MAFK: variants seen among roughly 807,000 people sequenced by gnomAD.
The protein encoded by MAFK is transcription factor MafK.
In MAFK, 1 loss-of-function variant was observed where a neutral mutation model predicts 9.2. The observed-to-expected ratio is 0.11, with a 90% CI of 0.04 to 0.52. MAFK has a LOEUF of 0.52. MAFK is among the 20% of genes least tolerant of loss of function. MAFK has a pLI of 0.94. For synonymous variants in MAFK, 110 were observed against 107.4 expected, an observed-to-expected ratio of 1.02 and a Z score of -0.15; for missense variants, 207 against 236.0, an observed-to-expected ratio of 0.88 and a Z score of 0.81.
chr7:1,539,960 A>G lies in MAFK; in HGVS notation c.56A>G (p.Glu19Gly), dbSNP rs899376699. 6.5e-7 allele frequency: 1 copy of G among 1,538,684 alleles called. No individual in the cohort carries two copies. Among genetic ancestry groups the G allele is most frequent in the Non-Finnish European group, 8.8e-7 (1 of 1,138,506 alleles). Reference protein sequence around the residue: ...KALKVKKEAGENAPVLSDDEL... With the variant: ...KALKVKKEAGGNAPVLSDDEL... Reference sequence around the variant, plus strand: ...CCCCAGGTCAAGAAGGAGGCGGGCGAGAACGCCCCGGTGCTCAGCGATGAT... The same window carrying G: ...CCCCAGGTCAAGAAGGAGGCGGGCGGGAACGCCCCGGTGCTCAGCGATGAT... Residue 19 changes from glutamate (E) to glycine (G), a missense_variant, in exon 3 of 3, where the codon GAG (glutamate) becomes GGG (glycine). Physicochemically the swap from Glu to Gly is moderately conservative, Grantham distance 98. Coordinates refer to ENST00000343242, the MANE Select transcript of MAFK (RefSeq NM_002360.4).
rs140625912 is a variant in MAFK at position 1,533,095 on chromosome 7, C to T, written c.-45+2197C>T. 3.0e-3 allele frequency among the ~76,000 whole-genome samples: 453 copies of T among 152,296 alleles called. 1 individual carries two copies. The highest frequency in any genetic ancestry group is 0.01 in the African/African-American group (435 of 41,568). Reference sequence around the variant, plus strand: ...CATAGAGTTTTAGAGCAGGTACAAGCGAACTTGAGTGGCCACATGCCCCAC... The same window carrying T: ...CATAGAGTTTTAGAGCAGGTACAAGTGAACTTGAGTGGCCACATGCCCCAC... On this transcript the variant is annotated intron_variant, in intron 1 of 2. Coordinates refer to ENST00000343242, the MANE Select transcript of MAFK (RefSeq NM_002360.4).
At chr7:1,533,791 G>A (rs1308964474) in intron 1 of MAFK, among the ~76,000 whole-genome samples, 2 of 152,096 alleles carry the variant, frequency 1.3e-5, no homozygotes, top group Non-Finnish European at 2.9e-5. Context: ...ATGCGGTTGG[G>A]GGCTGGGGGG....
chr7:1,533,138 T>C (rs570641016), intron 1 of MAFK, among the ~76,000 whole-genome samples: 2 of 152,324 alleles, frequency 1.3e-5, no homozygotes, highest in South Asian at 2.1e-4. Flanking sequence ...CCAGCTGCTG[T>C]AGATGAGGAA....
intron 1 of MAFK, among the ~76,000 whole-genome samples, chr7:1,536,435 T>C (rs1225081568): frequency 6.6e-6 from 1 of 152,174 alleles, no homozygotes; most frequent in East Asian, 1.9e-4. Flanking sequence ...CCCGGGGTAG[T>C]GCACGGGCGT....
rs1460509492 is a variant in MAFK, at chr7:1,540,398, G to A, written c.*23G>A. 2 of 1,272,566 alleles carry A rather than the reference G, an allele frequency of 1.6e-6. No individual in the cohort carries two copies. The highest frequency in any genetic ancestry group is 1.7e-5 in the African/African-American group (1 of 59,536). 78.8% of individuals were successfully genotyped at this position (1,272,566 alleles called of 1,614,324 possible). On this transcript the variant is annotated 3_prime_UTR_variant, in exon 3 of 3. Coordinates refer to ENST00000343242, the MANE Select transcript of MAFK (RefSeq NM_002360.4). Reference sequence around the variant, plus strand: ...TAGTGCCGGCCGGGGGCGGGGGGTGGCGGGCGGCGGGCGGCGGGCAGGCGG... The same window carrying A: ...TAGTGCCGGCCGGGGGCGGGGGGTGACGGGCGGCGGGCGGCGGGCAGGCGG...
chr7:1,536,873 G>A (rs1784042955), intron 1 of MAFK, among the ~76,000 whole-genome samples: 2 of 152,344 alleles, frequency 1.3e-5, no homozygotes, highest in East Asian at 1.9e-4. Context: ...CCTCGGCAGA[G>A]CAGAGTCGTG....
chr7:1,537,367 C>T (rs569334623), intron 1 of MAFK: 10 of 985,296 alleles, frequency 1.0e-5, no homozygotes, highest in South Asian at 4.7e-5. Flanking sequence ...GGTGACTCAC[C>T]GCATAGCTAT....
rs1216094959 is a variant in MAFK at position 1,532,565 on chromosome 7, G to T, written c.-45+1667G>T. On this transcript the variant is annotated intron_variant, in intron 1 of 2. Transcript: ENST00000343242. This position sits in a 1 kb window ranked among gnomAD's most constrained non-coding sequence, Gnocchi z 4.5. ...GTTGCCCGCAGCGTCGACTCCCCAGGTGCTGGTAAACCCGGGAGCCAGCGT... is the reference window on the plus strand; with the variant it reads ...GTTGCCCGCAGCGTCGACTCCCCAGTTGCTGGTAAACCCGGGAGCCAGCGT... Among the ~76,000 whole-genome samples the T allele has an allele frequency of 1.3e-5, 2 of 152,208 alleles. No homozygotes were observed. The highest frequency in any genetic ancestry group is 6.5e-5 in the Admixed American group (1 of 15,280).
intron 1 of MAFK, among the ~76,000 whole-genome samples, chr7:1,536,060 A>C (rs1336198332): frequency 6.6e-6 from 1 of 152,174 alleles, no homozygotes; most frequent in African/African-American, 2.4e-5. Context: ...TTCCATCCGA[A>C]AACCAGTTAC....
chr7:1,542,205 G>A lies in MAFK; in HGVS notation c.*1830G>A, dbSNP rs1784208574. On this transcript the variant is annotated 3_prime_UTR_variant, in exon 3 of 3. Coordinates refer to ENST00000343242, the MANE Select transcript of MAFK (RefSeq NM_002360.4). ...ATATTGGATGTCATAAGGACCAGGG[G>A]GATATTTAAAGAGAGAAACAGAAAA... 1 of 152,482 alleles carries A rather than the reference G, an allele frequency of 6.6e-6. No homozygotes were observed. The highest frequency in any genetic ancestry group is 2.4e-5 in the African/African-American group (1 of 41,452). 9.4% of individuals were successfully genotyped at this position (152,482 alleles called of 1,614,324 possible).
chr7:1,537,073 A>T (rs28486375), intron 1 of MAFK, among the ~76,000 whole-genome samples: 221 of 152,190 alleles, frequency 1.5e-3, no homozygotes, highest in African/African-American at 5.1e-3. Context: ...GTAGTCAGCC[A>T]CCCCTCCTGG....
chr7:1,536,866 C>G (rs140046128), intron 1 of MAFK, among the ~76,000 whole-genome samples: 1 of 152,202 alleles, frequency 6.6e-6, no homozygotes, highest in South Asian at 2.1e-4. Context: ...CAGGCTTCCT[C>G]GGCAGAGCAG....
At chr7:1,538,276 A>G in intron 1 of MAFK, 2 of 984,256 alleles carry the variant, frequency 2.0e-6, no homozygotes, top group Non-Finnish European at 2.4e-6. Flanking sequence ...GGCGGGGACG[A>G]CTCCCGCCAG....
In MAFK at chr7:1,540,709, G is replaced by A. The variant is rs1784161528; in HGVS notation, c.*334G>A. On this transcript the variant is annotated 3_prime_UTR_variant, in exon 3 of 3. Transcript: ENST00000343242. Reference sequence around the variant, plus strand: ...CGGGAAGTTCCGCGTCCTCTGTGGGGGCTGCCGGAAGACACGGCCCCAGGA... The same window carrying A: ...CGGGAAGTTCCGCGTCCTCTGTGGGAGCTGCCGGAAGACACGGCCCCAGGA... The A allele has an allele frequency of 3.3e-6, 1 of 304,320 alleles. No individual in the cohort carries two copies. Among genetic ancestry groups the A allele is most frequent in the African/African-American group, 2.2e-5 (1 of 44,578 alleles). The allele number at this position is 304,320 out of a possible 1,614,324, so 18.9% of individuals were successfully genotyped here.
chr7:1,539,622 C>T (rs956023143), intron 2 of MAFK, among the ~76,000 whole-genome samples: 3 of 152,238 alleles, frequency 2.0e-5, no homozygotes, highest in African/African-American at 7.2e-5. Context: ...TCCACAATGG[C>T]GTGTGCCTGT....
At chr7:1,538,757 G>T (rs1483072077) in intron 1 of MAFK, 1 of 216,766 alleles carries the variant, frequency 4.6e-6, no homozygotes, top group Non-Finnish European at 9.2e-6. Context: ...ACCTCAGGGA[G>T]AGTCAGAACA....
chr7:1,536,654 T>C (rs915247541), intron 1 of MAFK, among the ~76,000 whole-genome samples: 37 of 152,258 alleles, frequency 2.4e-4, no homozygotes, highest in African/African-American at 7.5e-4. Flanking sequence ...CTTCTCTGAA[T>C]GTCCTTCCAA....
chr7:1,534,796 A>T lies in MAFK; in HGVS notation c.-45+3898A>T. 2.8e-6 allele frequency: 1 copy of T among 362,940 alleles called. No homozygotes were observed. The highest frequency in any genetic ancestry group is 5.6e-6 in the Non-Finnish European group (1 of 177,576). The allele number at this position is 362,940 out of a possible 1,614,324, so 22.5% of individuals were successfully genotyped here. ...CCGATGCGTCCTCTCATCTGGGAAG[A>T]ATCAGAGCCCCAAAGCTGAAATCCC... On this transcript the variant is annotated intron_variant, in intron 1 of 2. Coordinates refer to ENST00000343242, the MANE Select transcript of MAFK (RefSeq NM_002360.4). The surrounding 1 kb of genome is among the most constrained non-coding windows in gnomAD (Gnocchi z 4.3).
At chr7:1,538,822 C>T (rs893230673) in intron 1 of MAFK, 1 of 273,040 alleles carries the variant, frequency 3.7e-6, no homozygotes, top group Non-Finnish European at 7.0e-6. Flanking sequence ...GCGGCTGCAG[C>T]CCAGGTCTGC....
Sources: allele counts gnomAD v4.1 joint callset (sites outside exome capture counted in the v4.1 genomes callset), GRCh38; gene constraint gnomAD v4.1.1; non-coding constraint Gnocchi (gnomAD v3.1); transcripts MANE v1.5; gene names NCBI Gene and HGNC (gene_info 2026-07-23, HGNC 2026-07-21).